Variants in ANAPC1 observed in about 807,000 individuals in gnomAD.
The protein encoded by ANAPC1 is anaphase promoting complex subunit 1, also known as anaphase-promoting complex subunit 1.
In ANAPC1, 36 loss-of-function variants were observed where a neutral mutation model predicts 208.0. The observed-to-expected ratio is 0.17, with a 90% CI of 0.13 to 0.23. The LOEUF (loss-of-function observed/expected upper bound fraction) is 0.23. Among genes scored for constraint, ANAPC1 ranks in the 10% least tolerant of loss-of-function variants. The probability of loss-of-function intolerance (pLI) is 1.00; values close to 1 mark genes in which losing one functional copy is unlikely to be tolerated. For synonymous variants in ANAPC1, 378 were observed against 695.2 expected, an observed-to-expected ratio of 0.54 and a Z score of 7.18; for missense variants, 942 against 2,011.6, an observed-to-expected ratio of 0.47 and a Z score of 10.17.
intron 8 of ANAPC1, among the ~76,000 whole-genome samples, chr2:111,864,330 G>C (rs968979680): frequency 5.5e-5 from 1 of 18,292 alleles, no homozygotes; most frequent in African/African-American, 1.7e-4. Context: ...TGTCTCTAGA[G>C]ATGATGATGA....
chr2:111,881,532 T>C (rs1007961725), intron 1 of ANAPC1, among the ~76,000 whole-genome samples: 1 of 152,176 alleles, frequency 6.6e-6, no homozygotes, highest in Admixed American at 6.5e-5. Flanking sequence ...TTTAATTAAT[T>C]ATTACATCTA....
At chr2:111,879,001 C>G in intron 2 of ANAPC1, 30 bp from the exon 3 acceptor site, 2 of 1,591,124 alleles carry the variant, frequency 1.3e-6, no homozygotes, top group Non-Finnish European at 1.7e-6. Flanking sequence ...AAAACATATT[C>G]AAGCACTCTT....
At chr2:111,817,409 G>C (rs1573384657) in intron 27 of ANAPC1, among the ~76,000 whole-genome samples, 1 of 152,074 alleles carries the variant, frequency 6.6e-6, no homozygotes, top group East Asian at 1.9e-4. Context: ...ATAAACAGTT[G>C]GAAAGACTAC....
intron 21 of ANAPC1, among the ~76,000 whole-genome samples, chr2:111,829,312 T>C (rs879513311): frequency 3.9e-5 from 6 of 152,230 alleles, no homozygotes; most frequent in Non-Finnish European, 8.8e-5. Context: ...AACATCATTC[T>C]GTATGTCTGT....
intron 7 of ANAPC1, among the ~76,000 whole-genome samples, chr2:111,867,086 T>C (rs1573501296): frequency 1.3e-5 from 2 of 151,166 alleles, no homozygotes; most frequent in East Asian, 2.0e-4. Context: ...AGGTCAGGAG[T>C]TCAAGACCAG....
At chr2:111,775,878 T>C (rs1275611607) in intron 46 of ANAPC1, among the ~76,000 whole-genome samples, 6 of 152,296 alleles carry the variant, frequency 3.9e-5, no homozygotes, top group African/African-American at 1.4e-4. Context: ...CAAAAAATTA[T>C]GAAGCTATAT....
chr2:111,840,740 T>C (rs965295728), intron 17 of ANAPC1, among the ~76,000 whole-genome samples: 11 of 152,160 alleles, frequency 7.2e-5, no homozygotes, highest in African/African-American at 1.2e-4. Flanking sequence ...TCGGATACAA[T>C]TGTTTAAAAT....
At chr2:111,853,599 T>C (rs1477545497) in intron 13 of ANAPC1, among the ~76,000 whole-genome samples, 1 of 152,054 alleles carries the variant, frequency 6.6e-6, no homozygotes, top group African/African-American at 2.4e-5. Context: ...CCCCTCAAAG[T>C]CACCCATGAG....
chr2:111,852,764 A>G (rs1681475572), intron 13 of ANAPC1, among the ~76,000 whole-genome samples: 1 of 152,130 alleles, frequency 6.6e-6, no homozygotes, highest in African/African-American at 2.4e-5. Context: ...AACAGAAGAC[A>G]AATATGTAAC....
rs569968897 is a variant in ANAPC1, at chr2:111,865,364, T to A, written c.686-413A>T. ...TGAAAGCTGTACTCTATAATTACTA[T>A]TCAGACAGTGCCGAACAGTACACTG... On this transcript the variant is annotated intron_variant, in intron 7 of 47. Transcript: ENST00000341068. Among the ~76,000 whole-genome samples the A allele has an allele frequency of 1.1e-4, 16 of 152,288 alleles. No homozygotes were observed. In the South Asian group the frequency reaches 2.1e-3, roughly 20 times the overall value.
At chr2:111,772,658 A>C (rs1676804474) in intron 46 of ANAPC1, among the ~76,000 whole-genome samples, 183 bp from the exon 47 acceptor site, 1 of 150,852 alleles carries the variant, frequency 6.6e-6, no homozygotes, top group African/African-American at 2.4e-5. Context: ...TAGAGTTTAG[A>C]GTGTTGTTGG....
intron 7 of ANAPC1, among the ~76,000 whole-genome samples, chr2:111,865,517 A>C (rs1395479377): frequency 6.6e-6 from 1 of 152,222 alleles, no homozygotes; most frequent in Non-Finnish European, 1.5e-5. Context: ...ACTCAGTTAA[A>C]ATACTGAAAA....
chr2:111,850,741 G>A, intron 14 of ANAPC1, 35 bp downstream of exon 14: 1 of 1,591,908 alleles, frequency 6.3e-7, no homozygotes, highest in South Asian at 1.2e-5. Flanking sequence ...TTTAAAAAAT[G>A]TTAACTTTTT....
intron 6 of ANAPC1, among the ~76,000 whole-genome samples, chr2:111,869,404 TG>T (rs1173720456): frequency 3.3e-5 from 5 of 151,992 alleles, no homozygotes; most frequent in Non-Finnish European, 7.4e-5. Flanking sequence ...CCACCACGCT[TG>T]GCTAATTTTT....
chr2:111,788,453 T>C, intron 38 of ANAPC1, 133 bp from the exon 39 acceptor site: 1 of 1,211,080 alleles, frequency 8.3e-7, no homozygotes, highest in Admixed American at 2.5e-5. Flanking sequence ...TACAAGAGTG[T>C]CAGTGGTGTG....
At chr2:111,812,492 A>T (rs2104407459) in intron 28 of ANAPC1, among the ~76,000 whole-genome samples, 1 of 107,182 alleles carries the variant, frequency 9.3e-6, no homozygotes, top group Non-Finnish European at 2.1e-5. Flanking sequence ...GGAAGATCTG[A>T]AAACTAGAGG....
chr2:111,838,932 A>T (rs1004252807), intron 17 of ANAPC1, among the ~76,000 whole-genome samples: 2 of 151,350 alleles, frequency 1.3e-5, no homozygotes, highest in Non-Finnish European at 2.9e-5. Flanking sequence ...CCTACAGTAA[A>T]CTATCTAACA....
chr2:111,825,005 T>C lies in ANAPC1; in HGVS notation c.2773A>G (p.Ser925Gly). ...FSFRHSTSVS[S>G]LAERLVVWMT... ...CAGACAACCAATCTTTCAGCTAGAC[T>C]AGAAACAGATGTAGAATGCCTGAAA... Residue 925 changes from serine (S) to glycine (G), a missense_variant, in exon 24 of 48, where the codon AGT (serine) becomes GGT (glycine). By Grantham distance (56) the Ser-to-Gly change is moderately conservative. Coordinates refer to ENST00000341068, the MANE Select transcript of ANAPC1 (RefSeq NM_022662.4). The C allele has an allele frequency of 6.2e-7, 1 of 1,613,902 alleles. No homozygotes were observed.
At chr2:111,833,056 G>A (rs891069133) in intron 20 of ANAPC1, among the ~76,000 whole-genome samples, 164 bp downstream of exon 20, 17 of 151,530 alleles carry the variant, frequency 1.1e-4, no homozygotes, top group African/African-American at 3.6e-4. Context: ...GGCTTACTAC[G>A]TGTCAGAAAA....
Sources: allele counts gnomAD v4.1 joint callset (sites outside exome capture counted in the v4.1 genomes callset), GRCh38; gene constraint gnomAD v4.1.1; transcripts MANE v1.5; gene names NCBI Gene and HGNC (gene_info 2026-07-23, HGNC 2026-07-21).